The following PTPRD variants were observed in gnomAD, a reference collection of about 807,000 sequenced individuals.
PTPRD encodes protein tyrosine phosphatase receptor type D, also known as receptor-type tyrosine-protein phosphatase delta.
Under a neutral mutation model 214.5 loss-of-function variants are expected in PTPRD, and 34 were observed. That is an observed-to-expected ratio of 0.16 (90% CI 0.12 to 0.21). PTPRD has a LOEUF of 0.21. Among genes scored for constraint, PTPRD ranks in the 10% least tolerant of loss-of-function variants. The pLI is 1.00. For missense variants in PTPRD, 2,545 were observed against 2,398.7 expected (o/e 1.06, Z -1.27); for synonymous variants, 1,128 against 845.7 (o/e 1.33, Z -5.79).
chr9:10,091,374 C>A (rs2098427805), intron 3 of PTPRD, among the ~76,000 whole-genome samples: 1 of 151,502 alleles, frequency 6.6e-6, no homozygotes, highest in African/African-American at 2.4e-5. Flanking sequence ...CATCCCTCTA[C>A]TGACCAATTC....
chr9:9,701,706 CA>C (rs1474917873), intron 7 of PTPRD, among the ~76,000 whole-genome samples: 1 of 151,968 alleles, frequency 6.6e-6, no homozygotes, highest in Non-Finnish European at 1.5e-5. Context: ...TGAATTCAAC[CA>C]AAAAATTCCT....
chr9:8,745,360 G>A (rs1277458718), intron 11 of PTPRD, among the ~76,000 whole-genome samples: 4 of 152,242 alleles, frequency 2.6e-5, no homozygotes, highest in South Asian at 4.1e-4. Context: ...TAATTCCAAA[G>A]TGATCAACAT....
chr9:8,794,371 T>C (rs2096341653), intron 11 of PTPRD, among the ~76,000 whole-genome samples: 1 of 152,172 alleles, frequency 6.6e-6, no homozygotes, highest in Admixed American at 6.5e-5. Flanking sequence ...GCCCGTTAGG[T>C]TACACTCTGG....
intron 12 of PTPRD, among the ~76,000 whole-genome samples, chr9:8,715,705 T>C (rs2085891897): frequency 6.6e-6 from 1 of 152,074 alleles, no homozygotes; most frequent in African/African-American, 2.4e-5. Flanking sequence ...CAGAGAAAAA[T>C]ATAAATTGAT....
At chr9:9,827,800 C>G (rs553064731) in intron 5 of PTPRD, among the ~76,000 whole-genome samples, 2 of 152,052 alleles carry the variant, frequency 1.3e-5, no homozygotes, top group East Asian at 3.9e-4. Flanking sequence ...AGAACTCAAA[C>G]AAATTTACAA....
intron 9 of PTPRD, among the ~76,000 whole-genome samples, chr9:9,295,216 T>A (rs1028519820): frequency 1.4e-4 from 21 of 151,768 alleles, no homozygotes; most frequent in Non-Finnish European, 1.2e-4. Flanking sequence ...GTTACCCTTA[T>A]TCTAATTAAC....
chr9:9,105,411 A>C (rs2099797111), intron 10 of PTPRD, among the ~76,000 whole-genome samples: 1 of 152,164 alleles, frequency 6.6e-6, no homozygotes. Flanking sequence ...GTGATTCCTT[A>C]GTGACTATAG....
chr9:9,601,617 T>A (rs2093776500), intron 7 of PTPRD, among the ~76,000 whole-genome samples: 1 of 152,080 alleles, frequency 6.6e-6, no homozygotes, highest in South Asian at 2.1e-4. Flanking sequence ...TGCTCAAAAT[T>A]AACACTCTTA....
chr9:10,522,317 G>C (rs191505769), intron 2 of PTPRD, among the ~76,000 whole-genome samples: 1 of 152,264 alleles, frequency 6.6e-6, no homozygotes, highest in East Asian at 1.9e-4. Flanking sequence ...GCCCTCAAGT[G>C]TGTGGTGTGG....
chr9:9,257,096 G>A (rs1422044156), intron 9 of PTPRD, among the ~76,000 whole-genome samples: 1 of 151,752 alleles, frequency 6.6e-6, no homozygotes, highest in Non-Finnish European at 1.5e-5. Context: ...CTTAACTGTG[G>A]CCCATATGTT....
chr9:9,063,322 A>C (rs2099711121), intron 10 of PTPRD, among the ~76,000 whole-genome samples: 1 of 152,154 alleles, frequency 6.6e-6, no homozygotes, highest in Admixed American at 6.5e-5. Context: ...AGAAGGTAAA[A>C]AATTGTTTTT....
intron 8 of PTPRD, among the ~76,000 whole-genome samples, chr9:9,525,635 A>G (rs550692083): frequency 1.3e-5 from 2 of 152,228 alleles, no homozygotes; most frequent in East Asian, 3.9e-4. Flanking sequence ...CAAGTGATTA[A>G]ATCATAGGTT....
intron 3 of PTPRD, among the ~76,000 whole-genome samples, chr9:10,077,135 G>A (rs904995271): frequency 6.6e-6 from 1 of 152,080 alleles, no homozygotes; most frequent in Non-Finnish European, 1.5e-5. Context: ...TATACATAGT[G>A]CTTGATAAAA....
chr9:10,101,415 A>C (rs440834), intron 3 of PTPRD, among the ~76,000 whole-genome samples: 53,489 of 151,508 alleles, frequency 0.35, 10,169 homozygotes, highest in East Asian at 0.53. Context: ...ATGTAGTATC[A>C]GGTAAGTAGA....
intron 3 of PTPRD, among the ~76,000 whole-genome samples, chr9:10,180,709 T>C (rs2099277600): frequency 6.6e-6 from 1 of 151,198 alleles, no homozygotes; most frequent in South Asian, 2.1e-4. Flanking sequence ...ATTATTAAAA[T>C]GTCATCATAA....
intron 10 of PTPRD, among the ~76,000 whole-genome samples, chr9:9,019,538 C>T (rs402322): frequency 0.23 from 35,092 of 151,856 alleles, 4,379 homozygotes; most frequent in African/African-American, 0.3. Context: ...AACCCCATCT[C>T]TACTCAAAAT....
chr9:9,885,311 C>A (rs10491916), intron 5 of PTPRD, among the ~76,000 whole-genome samples: 8 of 152,050 alleles, frequency 5.3e-5, no homozygotes, highest in Admixed American at 3.9e-4. Context: ...ATAAGGCCAA[C>A]GTGAGATAAA....
Position 10,575,565 on chromosome 9 carries a change from A to G in PTPRD, c.-600+36833T>C, listed in dbSNP as rs147440013. ...TTCTTTTAAATCAGTCTTGTAAAGT[A>G]TGGCTTTATTTTAGATTCAGGATGA... On this transcript the variant is annotated intron_variant, in intron 2 of 45. Transcript: ENST00000381196. 5.9e-5 allele frequency among the ~76,000 whole-genome samples: 9 copies of G among 152,250 alleles called. No homozygotes were observed. In the East Asian group the frequency reaches 7.7e-4, roughly 13 times the overall value.
chr9:9,954,907 C>G (rs905804085), intron 4 of PTPRD, among the ~76,000 whole-genome samples: 20 of 152,012 alleles, frequency 1.3e-4, no homozygotes, highest in Non-Finnish European at 2.9e-5. Context: ...ACGAGATTCA[C>G]GAACAAACAA....
Sources: gnomAD v4.1 joint callset for allele counts (sites outside exome capture counted in the v4.1 genomes callset) on GRCh38, gnomAD v4.1.1 for gene constraint, MANE v1.5 for transcripts, NCBI Gene and HGNC (gene_info 2026-07-23, HGNC 2026-07-21) for gene names.